The following ROBO2 variants were observed in gnomAD, a reference collection of about 807,000 sequenced individuals.
ROBO2 encodes the protein roundabout homolog 2.
A neutral mutation model predicts 160.8 loss-of-function variants in ROBO2; 53 were observed. The observed-to-expected ratio is 0.33, with a 90% CI of 0.26 to 0.41. The LOEUF (loss-of-function observed/expected upper bound fraction) is 0.41. Among genes scored for constraint, ROBO2 ranks in the 10% least tolerant of loss-of-function variants. ROBO2 has a pLI of 1.00. For synonymous variants in ROBO2, 664 were observed against 611.7 expected (o/e 1.09, Z -1.26); for missense variants, 1,577 against 1,722.4 (o/e 0.92, Z 1.49).
intron 2 of ROBO2, among the ~76,000 whole-genome samples, chr3:76,228,411 T>C (rs370338694): frequency 8.5e-5 from 13 of 152,164 alleles, no homozygotes; most frequent in African/African-American, 2.9e-4. Context: ...CTAAACACTT[T>C]TATCTTAGTT....
At chr3:76,322,055 G>A (rs574198665) in intron 2 of ROBO2, among the ~76,000 whole-genome samples, 26 of 151,534 alleles carry the variant, frequency 1.7e-4, no homozygotes, top group African/African-American at 6.1e-4. Flanking sequence ...CATCTATGAT[G>A]TCACTGTTAC....
At chr3:77,139,231 A>T (rs760453599) in intron 2 of ROBO2, among the ~76,000 whole-genome samples, 1 of 152,176 alleles carries the variant, frequency 6.6e-6, no homozygotes, top group African/African-American at 2.4e-5. Context: ...TGATTAAAAA[A>T]AATTGAAAAA....
intron 2 of ROBO2, among the ~76,000 whole-genome samples, chr3:76,138,546 A>G (rs6549835): frequency 0.98 from 148,554 of 152,120 alleles, 72,649 homozygotes; most frequent in East Asian, 1. Context: ...TTTTCTGAAA[A>G]TTAAGACCTA....
intron 20 of ROBO2, among the ~76,000 whole-genome samples, chr3:77,605,559 A>G (rs1031037591): frequency 1.3e-5 from 2 of 152,222 alleles, no homozygotes; most frequent in African/African-American, 4.8e-5. Context: ...TATTTCTTCT[A>G]TGAATCACCC....
At chr3:76,850,977 C>A (rs2069288507) in intron 2 of ROBO2, among the ~76,000 whole-genome samples, 1 of 152,164 alleles carries the variant, frequency 6.6e-6, no homozygotes, top group African/African-American at 2.4e-5. Flanking sequence ...CCAAAGCTAA[C>A]TTAATATTTC....
intron 2 of ROBO2, among the ~76,000 whole-genome samples, chr3:77,443,450 A>T (rs2080153789): frequency 1.3e-5 from 2 of 152,142 alleles, no homozygotes; most frequent in African/African-American, 4.8e-5. Flanking sequence ...TGCCCAATTT[A>T]AGTAGTGCAG....
intron 16 of ROBO2, among the ~76,000 whole-genome samples, chr3:77,585,612 A>AT (rs1229513748): frequency 6.6e-6 from 1 of 152,052 alleles, no homozygotes; most frequent in Non-Finnish European, 1.5e-5. Context: ...CAGAAATTCT[A>AT]TTTTTTGTGT....
intron 2 of ROBO2, among the ~76,000 whole-genome samples, chr3:75,960,297 G>T (rs1214684685): frequency 2.6e-5 from 4 of 151,786 alleles, no homozygotes; most frequent in African/African-American, 9.7e-5. Context: ...ATTTCACAAT[G>T]CTCAAGTTGT....
chr3:76,371,837 C>T (rs1455599241), intron 2 of ROBO2, among the ~76,000 whole-genome samples: 14 of 151,850 alleles, frequency 9.2e-5, no homozygotes, highest in Non-Finnish European at 1.6e-4. Context: ...TATCACACCA[C>T]GAAGATTCCC....
At chr3:76,408,357 A>G (rs147460137) in intron 2 of ROBO2, among the ~76,000 whole-genome samples, 191 of 152,152 alleles carry the variant, frequency 1.3e-3, no homozygotes, top group African/African-American at 4.5e-3. Flanking sequence ...GTCCTTGCCA[A>G]TTGCCTGATT....
chr3:77,574,624 A>T, exon 14 of ROBO2: 1 of 1,613,438 alleles, frequency 6.2e-7, no homozygotes, highest in Non-Finnish European at 8.5e-7. Context: ...GTGCTGTCTT[A>T]GTCAACCTGA....
chr3:76,722,813 G>T (rs1437907139), intron 2 of ROBO2, among the ~76,000 whole-genome samples: 2 of 152,294 alleles, frequency 1.3e-5, no homozygotes, highest in South Asian at 2.1e-4. Flanking sequence ...TTACTGAATA[G>T]TGTTTCATCA....
intron 23 of ROBO2, among the ~76,000 whole-genome samples, chr3:77,628,747 G>GA (rs2153711001): frequency 6.6e-6 from 1 of 152,288 alleles, no homozygotes; most frequent in South Asian, 2.1e-4. Context: ...GAAGGAGAGA[G>GA]AAAATTTCTT....
intron 23 of ROBO2, among the ~76,000 whole-genome samples, chr3:77,624,199 A>G (rs936243917): frequency 1.3e-5 from 2 of 152,184 alleles, no homozygotes; most frequent in African/African-American, 2.4e-5. Context: ...GTTGTGTTCT[A>G]CACAAAAGTA....
chr3:75,919,950 C>A (rs1209870715), intron 1 of ROBO2, among the ~76,000 whole-genome samples: 1 of 151,812 alleles, frequency 6.6e-6, no homozygotes, highest in Non-Finnish European at 1.5e-5. Context: ...AGTCTGGCTA[C>A]CGGTCTATCT....
rs79488195 is a variant in ROBO2, at chr3:77,622,855, C to T, written c.3760+423C>T. Among the ~76,000 whole-genome samples, 1,163 of 152,240 alleles carry T rather than the reference C, an allele frequency of 7.6e-3. 11 individuals carry two copies. The highest frequency in any genetic ancestry group is 0.012 in the Non-Finnish European group (834 of 68,014). On this transcript the variant is annotated intron_variant, in intron 23 of 25. Coordinates refer to ENST00000461745, the Ensembl canonical transcript of ROBO2. Reference sequence around the variant, plus strand: ...ATCATTCACTGATGGAAAGTAAGCACGTCTCCTGAATAAGCCACTTTAAGG... The same window carrying T: ...ATCATTCACTGATGGAAAGTAAGCATGTCTCCTGAATAAGCCACTTTAAGG...
chr3:77,540,965 T>C (rs905807418), intron 6 of ROBO2, among the ~76,000 whole-genome samples: 6 of 152,208 alleles, frequency 3.9e-5, no homozygotes, highest in African/African-American at 1.4e-4. Flanking sequence ...AACTCAAGCA[T>C]ATGAAGGAAG....
At chr3:75,919,064 C>G (rs1194847831) in intron 1 of ROBO2, among the ~76,000 whole-genome samples, 2 of 152,132 alleles carry the variant, frequency 1.3e-5, no homozygotes, top group African/African-American at 4.8e-5. Context: ...GCCAGAACTT[C>G]CAATACTATG....
chr3:76,180,900 C>T (rs935137276), intron 2 of ROBO2, among the ~76,000 whole-genome samples: 11 of 152,042 alleles, frequency 7.2e-5, no homozygotes, highest in African/African-American at 2.7e-4. Flanking sequence ...CTTCAGCCAC[C>T]CCACCTTCCC....
Sources: gnomAD v4.1 joint callset for allele counts (sites outside exome capture counted in the v4.1 genomes callset) on GRCh38, gnomAD v4.1.1 for gene constraint, MANE v1.5 for transcripts, NCBI Gene and HGNC (gene_info 2026-07-23, HGNC 2026-07-21) for gene names.